MGAT4C: variants seen among roughly 807,000 people sequenced by gnomAD.
MGAT4C encodes MGAT4 family member C, also known as alpha-1,3-mannosyl-glycoprotein 4-beta-N-acetylglucosaminyltransferase C.
In MGAT4C, 19 loss-of-function variants were observed where a neutral mutation model predicts 40.1. That is an observed-to-expected ratio of 0.47 (90% confidence interval 0.33 to 0.70). The LOEUF is 0.70. Among genes scored for constraint, MGAT4C ranks in the 30% least tolerant of loss-of-function variants. MGAT4C has a pLI of 0.02. For synonymous variants in MGAT4C, 181 were observed against 187.1 expected (o/e 0.97, Z 0.27); for missense variants, 491 against 563.2 (o/e 0.87, Z 1.30).
chr12:86,680,940 A>AT (rs540008161), intron 2 of MGAT4C, among the ~76,000 whole-genome samples: 38 of 151,950 alleles, frequency 2.5e-4, no homozygotes, highest in Non-Finnish European at 4.9e-4. Flanking sequence ...ATTTGCAAGC[A>AT]TTTTTTTCTG....
intron 1 of MGAT4C, among the ~76,000 whole-genome samples, chr12:86,138,531 G>A (rs111080650): frequency 0.13 from 1,352 of 10,670 alleles, 2 homozygotes; most frequent in African/African-American, 0.24. Flanking sequence ...GATATATCAT[G>A]TATATATTTC....
At chr12:86,593,983 G>A (rs1961433378) in intron 2 of MGAT4C, among the ~76,000 whole-genome samples, 1 of 152,116 alleles carries the variant, frequency 6.6e-6, no homozygotes, top group Non-Finnish European at 1.5e-5. Context: ...GAAGGCAGCA[G>A]CCCCAAGATT....
rs538295670 is a variant in MGAT4C at position 86,000,913 on chromosome 12, C to A, written c.-6-11361G>T. ...ACCTGCAACATATCCTTCTTGTAAG[C>A]TGTGGTTTCATATTTCTAGTATATT... On this transcript the variant is annotated intron_variant, in intron 2 of 4. Coordinates refer to ENST00000611864, the MANE Select transcript of MGAT4C (RefSeq NM_001351288.2). 2.0e-3 allele frequency among the ~76,000 whole-genome samples: 305 copies of A among 152,272 alleles called. 1 individual carries two copies. Among genetic ancestry groups the A allele is most frequent in the African/African-American group, 6.8e-3 (281 of 41,564 alleles).
chr12:86,041,986 T>C (rs972866900), intron 2 of MGAT4C, among the ~76,000 whole-genome samples: 1 of 152,210 alleles, frequency 6.6e-6, no homozygotes, highest in African/African-American at 2.4e-5. Flanking sequence ...TTTATGAATC[T>C]GAGTGTGCCT....
intron 3 of MGAT4C, among the ~76,000 whole-genome samples, chr12:86,364,749 G>A (rs557215787): frequency 6.7e-6 from 1 of 148,862 alleles, no homozygotes; most frequent in South Asian, 2.1e-4. Context: ...GATGCCCCCT[G>A]AGCCATAAAA....
chr12:86,327,040 A>G (rs1221046128), intron 4 of MGAT4C, among the ~76,000 whole-genome samples: 1 of 152,142 alleles, frequency 6.6e-6, no homozygotes, highest in Non-Finnish European at 1.5e-5. Context: ...ACTAAACTAT[A>G]TCTTTATAAT....
At chr12:86,011,873 A>AAT in intron 2 of MGAT4C, 1 of 984,800 alleles carries the variant, frequency 1.0e-6, no homozygotes, top group South Asian at 4.7e-5. Flanking sequence ...ACACCCTGAT[A>AAT]ATATAAACTT....
intron 1 of MGAT4C, among the ~76,000 whole-genome samples, chr12:86,076,419 T>C (rs1869725510): frequency 6.6e-6 from 1 of 152,222 alleles, no homozygotes; most frequent in African/African-American, 2.4e-5. Flanking sequence ...AAGCTCTGTC[T>C]GTTACCCAGT....
At chr12:86,448,746 T>C (rs538679860) in intron 2 of MGAT4C, among the ~76,000 whole-genome samples, 1 of 152,312 alleles carries the variant, frequency 6.6e-6, no homozygotes, top group East Asian at 1.9e-4. Context: ...AGATAGTGTT[T>C]AACTCAACTT....
At chr12:86,506,857 G>T (rs539154341) in intron 2 of MGAT4C, among the ~76,000 whole-genome samples, 96 of 152,240 alleles carry the variant, frequency 6.3e-4, no homozygotes, top group African/African-American at 2.3e-3. Flanking sequence ...GCAGAAAGAA[G>T]GGGTAAGGCT....
chr12:86,290,655 C>A (rs1466086961), intron 4 of MGAT4C, among the ~76,000 whole-genome samples: 4 of 150,756 alleles, frequency 2.7e-5, no homozygotes, highest in East Asian at 2.0e-4. Context: ...CAATGACATG[C>A]AATTTACCCA....
At chr12:86,120,924 G>A (rs1879279159) in intron 1 of MGAT4C, among the ~76,000 whole-genome samples, 3 of 152,192 alleles carry the variant, frequency 2.0e-5, no homozygotes, top group South Asian at 2.1e-4. Flanking sequence ...GGCTTTAGAC[G>A]ATCAGTAGTA....
intron 1 of MGAT4C, among the ~76,000 whole-genome samples, chr12:86,834,637 C>G (rs180999602): frequency 6.7e-6 from 1 of 149,822 alleles, no homozygotes; most frequent in Non-Finnish European, 1.5e-5. Flanking sequence ...CACACACACA[C>G]CCCTTTACAG....
intron 2 of MGAT4C, among the ~76,000 whole-genome samples, chr12:86,444,074 T>G (rs2136281167): frequency 6.6e-6 from 1 of 152,342 alleles, no homozygotes; most frequent in East Asian, 1.9e-4. Context: ...GTAACCATAT[T>G]TCTACATTGG....
rs1202988201 is a variant in MGAT4C, at chr12:86,306,788, A to G, written c.-57+27277T>C. ...GGGGAACAGTGCAGCGATTCTACAA[A>G]TATTTTTGAAATGTAGAAAATAATA... On this transcript the variant is annotated intron_variant, in intron 4 of 7. Coordinates refer to the MGAT4C transcript ENST00000548651. Among the ~76,000 whole-genome samples, 3 of 150,536 alleles carry G rather than the reference A, an allele frequency of 2.0e-5. 1 individual carries two copies. The highest frequency in any genetic ancestry group is 7.5e-5 in the African/African-American group (3 of 39,982).
chr12:86,768,242 A>T (rs1951553534), intron 1 of MGAT4C, among the ~76,000 whole-genome samples: 1 of 152,206 alleles, frequency 6.6e-6, no homozygotes. Flanking sequence ...CAGAGAGCTA[A>T]ATCATGAGTG....
At chr12:86,058,771 A>T (rs1273097881) in intron 1 of MGAT4C, among the ~76,000 whole-genome samples, 2 of 152,166 alleles carry the variant, frequency 1.3e-5, no homozygotes, top group Non-Finnish European at 2.9e-5. Flanking sequence ...ATTCAACTAC[A>T]ACAACACATG....
At chr12:86,481,758 C>A (rs373046850) in intron 2 of MGAT4C, among the ~76,000 whole-genome samples, 1 of 151,482 alleles carries the variant, frequency 6.6e-6, no homozygotes, top group Non-Finnish European at 1.5e-5. Context: ...CAACATGGTA[C>A]GTATAAATAA....
intron 1 of MGAT4C, among the ~76,000 whole-genome samples, chr12:86,219,588 T>C (rs1441946660): frequency 6.6e-6 from 1 of 152,228 alleles, no homozygotes; most frequent in Non-Finnish European, 1.5e-5. Context: ...TAAAACCTTA[T>C]TAGTATCCCC....
Sources: allele counts gnomAD v4.1 joint callset (sites outside exome capture counted in the v4.1 genomes callset), GRCh38; gene constraint gnomAD v4.1.1; transcripts MANE v1.5; gene names NCBI Gene and HGNC (gene_info 2026-07-23, HGNC 2026-07-21).